MERTK: variants seen among roughly 807,000 people sequenced by gnomAD.
MERTK encodes MER proto-oncogene, tyrosine kinase.
In MERTK, 69 loss-of-function variants were observed where a neutral mutation model predicts 99.3. The ratio of observed to expected loss-of-function variants is 0.70; its 90% CI spans 0.57 to 0.85. The LOEUF is 0.85. Among genes scored for constraint, MERTK ranks in the 40% least tolerant of loss-of-function variants. The probability of loss-of-function intolerance (pLI) is 0.00; values close to 1 mark genes in which losing one functional copy is unlikely to be tolerated. For missense variants in MERTK, 1,125 were observed against 1,249.4 expected, an observed-to-expected ratio of 0.90 and a Z score of 1.50; for synonymous variants, 426 against 467.6, an observed-to-expected ratio of 0.91 and a Z score of 1.15.
intron 11 of MERTK, among the ~76,000 whole-genome samples, chr2:112,002,342 T>C (rs1335076117): frequency 6.6e-6 from 1 of 152,204 alleles, no homozygotes. Context: ...TCTAGATGTT[T>C]CCTGTGGTTT....
intron 1 of MERTK, among the ~76,000 whole-genome samples, chr2:111,901,862 A>G (rs760782846): frequency 5.3e-5 from 8 of 151,804 alleles, no homozygotes; most frequent in Admixed American, 2.0e-4. Context: ...GCTGAATACA[A>G]TTTTTAAAAA....
chr2:111,929,654 T>C (rs1259607263), intron 2 of MERTK, 114 bp downstream of exon 2: 5 of 830,238 alleles, frequency 6.0e-6, no homozygotes, highest in Non-Finnish European at 8.5e-6. Flanking sequence ...TGGCACGATC[T>C]CAGCTCATTG....
At chr2:111,997,528 T>C (rs746913202) in intron 10 of MERTK, 52 bp downstream of exon 10, 36 of 1,595,864 alleles carry the variant, frequency 2.3e-5, no homozygotes, top group South Asian at 9.9e-5. Flanking sequence ...AAGGTTGTTA[T>C]ACCAAGTGAT....
chr2:112,028,831 C>T lies in MERTK; in HGVS notation c.2967C>T (p.Asp989=), dbSNP rs140956730. The change falls in exon 19 of 19, where the codon GAC becomes GAT. Residue 989 remains aspartate, a synonymous_variant. Transcript: ENST00000295408. ...SSLPDELLFA[D]DSSEGSEVLM is the part of the protein sequence containing the mutation. Reference sequence around the variant, plus strand: ...TGCCCGATGAACTTTTGTTTGCTGACGACTCCTCAGAAGGCTCAGAAGTCC... The same window carrying T: ...TGCCCGATGAACTTTTGTTTGCTGATGACTCCTCAGAAGGCTCAGAAGTCC... 2.9e-5 allele frequency: 47 copies of T among 1,613,868 alleles called. No homozygotes were observed. The highest frequency in any genetic ancestry group is 5.3e-5 in the African/African-American group (4 of 74,884).
intron 7 of MERTK, 34 bp from the exon 8 acceptor site, chr2:111,982,808 G>A (rs1178620787): frequency 6.2e-7 from 1 of 1,611,480 alleles, no homozygotes; most frequent in African/African-American, 1.3e-5. Flanking sequence ...GTGCTTTGTG[G>A]TTCTTCATTC....
chr2:111,929,045 G>A, intron 1 of MERTK, 75 bp from the exon 2 acceptor site: 1 of 1,531,832 alleles, frequency 6.5e-7, no homozygotes, highest in Middle Eastern at 1.9e-4. Flanking sequence ...TCTCTTCTTG[G>A]CCTAAGAAGT....
chr2:111,910,395 G>A (rs1054707350), intron 1 of MERTK, among the ~76,000 whole-genome samples: 2 of 151,676 alleles, frequency 1.3e-5, no homozygotes, highest in Admixed American at 1.3e-4. Flanking sequence ...TCGGCACCCC[G>A]AGTAGCTGGG....
At chr2:111,910,351 C>T (rs2104665157) in intron 1 of MERTK, among the ~76,000 whole-genome samples, 1 of 151,576 alleles carries the variant, frequency 6.6e-6, no homozygotes, top group Non-Finnish European at 1.5e-5. Flanking sequence ...CTCACTGCAA[C>T]TTCTGCCTCC....
At chr2:111,933,168 T>G (rs1486283082) in intron 2 of MERTK, among the ~76,000 whole-genome samples, 1 of 152,148 alleles carries the variant, frequency 6.6e-6, no homozygotes, top group Non-Finnish European at 1.5e-5. Context: ...GTGCATTGTT[T>G]TTTAGGTGAG....
chr2:112,013,940 C>G (rs576671313), intron 15 of MERTK, among the ~76,000 whole-genome samples: 2 of 152,080 alleles, frequency 1.3e-5, no homozygotes, highest in African/African-American at 4.8e-5. Flanking sequence ...CCACAGCCTC[C>G]GCCTCCCGGG....
chr2:111,933,547 T>A (rs1408486009), intron 2 of MERTK, among the ~76,000 whole-genome samples: 1 of 151,918 alleles, frequency 6.6e-6, no homozygotes. Context: ...TCATGGGACC[T>A]TTTTTTTCTA....
chr2:112,020,054 TC>T (rs953784902), intron 16 of MERTK, among the ~76,000 whole-genome samples: 4 of 152,240 alleles, frequency 2.6e-5, no homozygotes, highest in African/African-American at 9.7e-5. Context: ...CTGTAAATCT[TC>T]AAAAACAATA....
intron 1 of MERTK, among the ~76,000 whole-genome samples, chr2:111,928,674 C>T (rs571698468): frequency 1.1e-4 from 16 of 152,142 alleles, no homozygotes; most frequent in African/African-American, 3.9e-4. Flanking sequence ...TTAGTAGAGA[C>T]AGGTTTTTGC....
chr2:111,974,447 A>T (rs1361985415), intron 6 of MERTK, among the ~76,000 whole-genome samples: 1 of 151,826 alleles, frequency 6.6e-6, no homozygotes, highest in African/African-American at 2.4e-5. Context: ...AGGCAAGAGC[A>T]GTGTTCCTTA....
At chr2:111,914,094 TTTCTTTC>T (rs1433749109) in intron 1 of MERTK, among the ~76,000 whole-genome samples, 70 of 139,122 alleles carry the variant, frequency 5.0e-4, no homozygotes, top group South Asian at 1.1e-3. Context: ...TCTTTCTTTC[TTTCTTTC>T]TTTTTTTTTT....
At chr2:111,940,119 T>C (rs1684835203) in intron 2 of MERTK, among the ~76,000 whole-genome samples, 1 of 149,102 alleles carries the variant, frequency 6.7e-6, no homozygotes, top group South Asian at 2.2e-4. Context: ...CTTTTTTTTT[T>C]CTACTTTCCT....
chr2:112,005,728 T>A (rs1023897254), intron 13 of MERTK, among the ~76,000 whole-genome samples: 2 of 152,208 alleles, frequency 1.3e-5, no homozygotes, highest in Admixed American at 6.5e-5. Flanking sequence ...TGCTTCCTTA[T>A]TAACCCCTTG....
At chr2:111,987,723 T>C (rs1320675646) in intron 8 of MERTK, among the ~76,000 whole-genome samples, 1 of 152,194 alleles carries the variant, frequency 6.6e-6, no homozygotes, top group East Asian at 1.9e-4. Flanking sequence ...ATATTGCATA[T>C]TATACCACCT....
At position 112,003,295 on chromosome 2, in the gene MERTK, G is replaced by T. The variant is rs957885207; in HGVS notation, c.1786+108G>T. The T allele has an allele frequency of 1.7e-5, 11 of 654,650 alleles. No individual in the cohort carries two copies. The African/African-American group carries it at 2.0e-4, about 12-fold the overall frequency. 40.6% of individuals were successfully genotyped at this position (654,650 alleles called of 1,614,324 possible). On this transcript the variant is annotated intron_variant, in intron 12 of 18. Transcript: ENST00000295408. ...ATAAAATAGCATCTCAGGACTCTGAGTTATACTATGGATAGTTATATTTTA... is the reference window on the plus strand; with the variant it reads ...ATAAAATAGCATCTCAGGACTCTGATTTATACTATGGATAGTTATATTTTA...
Sources: gnomAD v4.1 joint callset for allele counts (sites outside exome capture counted in the v4.1 genomes callset) on GRCh38, gnomAD v4.1.1 for gene constraint, MANE v1.5 for transcripts, NCBI Gene and HGNC (gene_info 2026-07-23, HGNC 2026-07-21) for gene names.